The following PNPLA8 variants were observed in gnomAD, a reference collection of about 807,000 sequenced individuals.
The protein encoded by PNPLA8 is patatin like domain 8, phospholipase A2.
A neutral mutation model predicts 76.9 loss-of-function variants in PNPLA8; 39 were observed. The observed-to-expected ratio is 0.51, with a 90% CI of 0.39 to 0.66. The LOEUF (loss-of-function observed/expected upper bound fraction) is 0.66, where lower values mean the gene tolerates loss of function less well. Ranked by LOEUF, PNPLA8 falls within the 30% of genes least tolerant of loss-of-function variation. PNPLA8 has a pLI of 0.00. For synonymous variants in PNPLA8, 301 were observed against 307.9 expected (o/e 0.98, Z 0.24); for missense variants, 887 against 918.0 (o/e 0.97, Z 0.44).
chr7:108,523,326 C>T (rs1227729996), intron 1 of PNPLA8, among the ~76,000 whole-genome samples: 2 of 152,180 alleles, frequency 1.3e-5, no homozygotes, highest in East Asian at 3.8e-4. Flanking sequence ...CAAAGATCAC[C>T]TGGTGGCCAT....
Position 108,518,740 on chromosome 7 carries a change from TATATATATATATATATATAC to T in PNPLA8, c.-84+2716_-84+2735del, listed in dbSNP as rs1012934627. 1.0e-3 allele frequency among the ~76,000 whole-genome samples: 119 copies of T among 118,690 alleles called. 1 individual carries two copies. The highest frequency in any genetic ancestry group is 5.3e-3 in the African/African-American group (110 of 20,710). The allele number at this position is 118,690 out of a possible 152,430, so 77.9% of individuals were successfully genotyped here. A position where few individuals can be genotyped will look rare whatever the true frequency, so the allele number is the denominator to read the frequency against. ...ACATGAATATATATATATATATATA[TATATATATATATATATATAC>T]ACACACACACACACATATATTAAGA... On this transcript the variant is annotated intron_variant, in intron 2 of 10. Coordinates refer to ENST00000257694, the MANE Select transcript of PNPLA8 (RefSeq NM_001256007.3).
upstream of PNPLA8, chr7:108,526,319 G>C (rs546291494): frequency 5.3e-4 from 82 of 154,204 alleles, no homozygotes; most frequent in African/African-American, 1.9e-3. Context: ...AGAGCATGAC[G>C]GAGCGCAAGG....
chr7:108,505,348 ATATATTTTTTTTTTTTTTTT>A (rs1336411900), intron 4 of PNPLA8, among the ~76,000 whole-genome samples: 2 of 6,232 alleles, frequency 3.2e-4, no homozygotes, highest in African/African-American at 1.0e-3. Flanking sequence ...ATATATATAT[ATATATTTTTTTTTTTTTTTT>A]TTTTTTTTTT....
intron 10 of PNPLA8, among the ~76,000 whole-genome samples, chr7:108,476,329 T>C (rs1301306812): frequency 6.6e-6 from 1 of 152,230 alleles, no homozygotes; most frequent in Non-Finnish European, 1.5e-5. Context: ...AAGTACAGAC[T>C]TAACTCTTAT....
intron 4 of PNPLA8, 68 bp downstream of exon 4, chr7:108,514,076 C>G: frequency 3.7e-6 from 4 of 1,088,876 alleles, no homozygotes; most frequent in Non-Finnish European, 5.4e-6. Context: ...GCTTTGCCTT[C>G]TCCATTTTAG....
chr7:108,515,545 T>C lies in PNPLA8; in HGVS notation c.-54A>G. The C allele has an allele frequency of 2.3e-5, 30 of 1,307,104 alleles. No individual in the cohort carries two copies. The highest frequency in any genetic ancestry group is 3.3e-5 in the Admixed American group (1 of 30,586). The allele number at this position is 1,307,104 out of a possible 1,614,324, so 81.0% of individuals were successfully genotyped here. ...ATTCTCTCACTTCTTGAACGCTTCATTTAAGAAATGCCATAATTCATGGTC... is the reference window on the plus strand; with the variant it reads ...ATTCTCTCACTTCTTGAACGCTTCACTTAAGAAATGCCATAATTCATGGTC... On this transcript the variant is annotated 5_prime_UTR_variant, in exon 3 of 11. It removes an upstream start codon present in the reference 5' UTR. Transcript: ENST00000257694.
chr7:108,479,395 T>TA lies in PNPLA8; in HGVS notation c.1879-17dup, dbSNP rs752968537. Reference sequence around the variant, plus strand: ...AACCTCCATCCTGCAAAATACAAGTTAAAAAAAGAAACTTTTAAAACTGAC... The same window carrying TA: ...AACCTCCATCCTGCAAAATACAAGTTAAAAAAAAGAAACTTTTAAAACTGAC... On this transcript the variant is annotated splice_polypyrimidine_tract_variant and intron_variant, in intron 9 of 10. Transcript: ENST00000257694. 13 of 1,574,544 alleles carry TA rather than the reference T, an allele frequency of 8.3e-6. No homozygotes were observed. The highest frequency in any genetic ancestry group is 1.0e-5 in the Non-Finnish European group (12 of 1,156,544).
At chr7:108,510,338 T>A (rs565951764) in intron 4 of PNPLA8, 2 of 1,585,906 alleles carry the variant, frequency 1.3e-6, no homozygotes, top group East Asian at 2.2e-5. Context: ...GAGAAAGAAG[T>A]TTGCCCAAAA....
chr7:108,476,969 G>T (rs773701338), intron 10 of PNPLA8, among the ~76,000 whole-genome samples: 3 of 152,198 alleles, frequency 2.0e-5, no homozygotes, highest in Non-Finnish European at 4.4e-5. Flanking sequence ...AATGGTGGTT[G>T]CCAGACACTG....
intron 4 of PNPLA8, among the ~76,000 whole-genome samples, chr7:108,511,951 A>C (rs1178222862): frequency 1.3e-5 from 2 of 152,230 alleles, no homozygotes; most frequent in Non-Finnish European, 2.9e-5. Flanking sequence ...AAGCATACAG[A>C]AGGTTGTACT....
upstream of PNPLA8, among the ~76,000 whole-genome samples, chr7:108,527,019 A>G (rs568723108): frequency 1.1e-4 from 16 of 152,332 alleles, no homozygotes; most frequent in Admixed American, 8.5e-4. Context: ...TACAATAGCG[A>G]ATTTGGGTAG....
At chr7:108,510,100 C>G (rs1378541367) in intron 4 of PNPLA8, 3 of 499,598 alleles carry the variant, frequency 6.0e-6, no homozygotes, top group Non-Finnish European at 1.0e-5. Flanking sequence ...GTGGGTGCAG[C>G]GCACCAGCAT....
intron 8 of PNPLA8, among the ~76,000 whole-genome samples, chr7:108,488,484 G>C (rs1860911267): frequency 6.6e-6 from 1 of 152,134 alleles, no homozygotes; most frequent in South Asian, 2.1e-4. Flanking sequence ...TGAGGCAGGA[G>C]AATTGCTTGC....
At chr7:108,502,703 T>A in intron 4 of PNPLA8, 61 bp from the exon 5 acceptor site, 1 of 1,268,138 alleles carries the variant, frequency 7.9e-7, no homozygotes, top group Admixed American at 1.9e-5. Context: ...AATGTATGAT[T>A]ATTATTAACC....
intron 1 of PNPLA8, among the ~76,000 whole-genome samples, chr7:108,525,460 AG>A (rs1399037492): frequency 6.6e-6 from 1 of 152,256 alleles, no homozygotes; most frequent in Non-Finnish European, 1.5e-5. Flanking sequence ...GGTTCCTTCC[AG>A]CACAATGATA....
chr7:108,515,175 C>A lies in PNPLA8; in HGVS notation c.317G>T (p.Ser106Ile). The A allele has an allele frequency of 6.2e-7, 1 of 1,606,944 alleles. No individual in the cohort carries two copies. Among genetic ancestry groups the A allele is most frequent in the Non-Finnish European group, 8.5e-7 (1 of 1,175,356 alleles). The stretch of plus-strand genomic sequence containing the variant: ...AGCCTTTGAAACAGAGTTCAAAGTA[C>A]TTTTAATACGGGACATACAAATGTT... The part of the protein sequence containing the change: ...KVNICMSRIK[S>I]TLNSVSKAVF... Residue 106 changes from serine (S) to isoleucine (I), a missense_variant, in exon 3 of 11, where the codon AGT (serine) becomes ATT (isoleucine). Physicochemically the swap from Ser to Ile is moderately radical, Grantham distance 142. Coordinates refer to ENST00000257694, the MANE Select transcript of PNPLA8 (RefSeq NM_001256007.3).
At chr7:108,473,476 A>T (rs545669816) in intron 10 of PNPLA8, among the ~76,000 whole-genome samples, 20 of 152,128 alleles carry the variant, frequency 1.3e-4, no homozygotes, top group African/African-American at 3.6e-4. Flanking sequence ...TGCTTATTTT[A>T]AAAAAAACCT....
At chr7:108,494,501 A>G (rs946981308) in intron 7 of PNPLA8, among the ~76,000 whole-genome samples, 2 of 152,174 alleles carry the variant, frequency 1.3e-5, no homozygotes, top group Non-Finnish European at 2.9e-5. Context: ...GCTTATTCTA[A>G]TGGCCTCCAG....
intron 4 of PNPLA8, among the ~76,000 whole-genome samples, chr7:108,508,786 C>T (rs566990377): frequency 6.6e-6 from 1 of 151,906 alleles, no homozygotes; most frequent in South Asian, 2.1e-4. Flanking sequence ...TACTACAAGG[C>T]TACAGTAACC....
Sources: gnomAD v4.1 joint callset for allele counts (sites outside exome capture counted in the v4.1 genomes callset) on GRCh38, gnomAD v4.1.1 for gene constraint, MANE v1.5 for transcripts, NCBI Gene and HGNC (gene_info 2026-07-23, HGNC 2026-07-21) for gene names.